Variants in NEB observed in about 807,000 individuals in gnomAD.
NEB encodes the protein nebulin, also known as nemaline myopathy type 2.
In NEB, 512 loss-of-function variants were observed where a neutral mutation model predicts 952.2. That is an observed-to-expected ratio of 0.54 (90% confidence interval 0.50 to 0.58). The LOEUF (loss-of-function observed/expected upper bound fraction) is 0.58. NEB is among the 20% of genes least tolerant of loss of function. The pLI, the probability that NEB is intolerant of heterozygous loss-of-function variation, is 0.00. For synonymous variants in NEB, 2,900 were observed against 3,149.8 expected (o/e 0.92, Z 2.66); for missense variants, 8,428 against 9,231.1 (o/e 0.91, Z 3.56).
At chr2:151,679,681 C>CAAAATTTA in intron 32 of NEB, 40 bp downstream of exon 32, 1 of 957,200 alleles carries the variant, frequency 1.0e-6, no homozygotes, top group Non-Finnish European at 1.7e-6. Context: ...CACCCACCCA[C>CAAAATTTA]ATTTTCTAGT....
intron 107 of NEB, among the ~76,000 whole-genome samples, chr2:151,571,621 T>C (rs1025183627): frequency 2.6e-5 from 4 of 152,316 alleles, no homozygotes; most frequent in Admixed American, 6.5e-5. Context: ...TGAAGCATGA[T>C]TGGATGTCAC....
At chr2:151,684,324 G>T (rs150106932) in intron 28 of NEB, among the ~76,000 whole-genome samples, 11 of 152,182 alleles carry the variant, frequency 7.2e-5, no homozygotes, top group South Asian at 4.2e-4. Flanking sequence ...AGAAAAAACC[G>T]TTATAAATAT....
Position 151,710,427 on chromosome 2 carries a change from A to T in NEB, c.927+7T>A. The T allele has an allele frequency of 6.3e-7, 1 of 1,596,328 alleles. No individual in the cohort carries two copies. Among genetic ancestry groups the T allele is most frequent in the African/African-American group, 1.3e-5 (1 of 74,712 alleles). ...GATGACCAACCAGCCATCCCTTCCC[A>T]CTTAACTGTGCTAATGTTATCAGCA... On this transcript the variant is annotated splice_region_variant and intron_variant, in intron 11 of 181. Coordinates refer to ENST00000397345, the MANE Select transcript of NEB (RefSeq NM_001164508.2).
In NEB at chr2:151,562,747, A is replaced by G. The variant is rs1241076989; in HGVS notation, c.18755T>C (p.Met6252Thr). The G allele has an allele frequency of 6.2e-7, 1 of 1,600,938 alleles. No homozygotes were observed. The highest frequency in any genetic ancestry group is 8.5e-7 in the Non-Finnish European group (1 of 1,173,152). Reference sequence around the variant, plus strand: ...GCACCTTTTAGCCAGCACGTGATTCATCATGTCATTGGGGATATGAACATT... The same window carrying G: ...GCACCTTTTAGCCAGCACGTGATTCGTCATGTCATTGGGGATATGAACATT... ...KANVHIPNDM[M>T]NHVLAKRCQY... is the part of the protein sequence containing the mutation. The change falls in exon 120 of 182, where the codon ATG (methionine) becomes ACG (threonine). Residue 6252 changes from methionine to threonine, a missense_variant. Met to Thr is a moderately conservative substitution (Grantham distance 81, BLOSUM62 -1). Coordinates refer to ENST00000397345, the MANE Select transcript of NEB (RefSeq NM_001164508.2).
intron 20 of NEB, 131 bp from the exon 21 acceptor site, chr2:151,692,493 A>C: frequency 1.4e-6 from 1 of 726,918 alleles, no homozygotes; most frequent in Non-Finnish European, 2.4e-6. Context: ...AATTTTCCAC[A>C]AAGCAGAAAA....
At chr2:151,672,186 T>C (rs781743905) in intron 37 of NEB, among the ~76,000 whole-genome samples, 183 bp downstream of exon 37, 1 of 152,186 alleles carries the variant, frequency 6.6e-6, no homozygotes, top group African/African-American at 2.4e-5. Flanking sequence ...ATAATTATGA[T>C]ATAAGCACAG....
chr2:151,568,733 A>G lies in NEB; in HGVS notation c.17536-17T>C, dbSNP rs775687645. 1.3e-6 allele frequency: 2 copies of G among 1,523,122 alleles called. No homozygotes were observed. The highest frequency in any genetic ancestry group is 2.7e-5 in the African/African-American group (2 of 73,140). 94.4% of individuals were successfully genotyped at this position (1,523,122 alleles called of 1,614,324 possible). A position where few individuals can be genotyped will look rare whatever the true frequency, so the allele number is the denominator to read the frequency against. ...ATATTTTTTCTATGGGAAAGAAAGCATCTTTTAGATAGTTGTAATTCCTAG... is the reference window on the plus strand; with the variant it reads ...ATATTTTTTCTATGGGAAAGAAAGCGTCTTTTAGATAGTTGTAATTCCTAG... On this transcript the variant is annotated splice_polypyrimidine_tract_variant and intron_variant, in intron 110 of 181. Coordinates refer to ENST00000397345, the MANE Select transcript of NEB (RefSeq NM_001164508.2).
chr2:151,702,759 G>C (rs2099680624), intron 13 of NEB, among the ~76,000 whole-genome samples: 1 of 152,116 alleles, frequency 6.6e-6, no homozygotes, highest in Non-Finnish European at 1.5e-5. Flanking sequence ...GCCTATGTGT[G>C]TCTCTGCACG....
Position 151,493,412 on chromosome 2 carries a change from G to T in NEB, c.24706C>A (p.Pro8236Thr). ...TCCATCTCTGGAGTAACAGGTGTCGGAGTTGCTTTTCTCATGTTCTCTTTG... is the reference window on the plus strand; with the variant it reads ...TCCATCTCTGGAGTAACAGGTGTCGTAGTTGCTTTTCTCATGTTCTCTTTG... The part of the protein sequence containing the change: ...LYKENMRKAT[P>T]TPVTPEMERA... The change falls in exon 176 of 182, where the codon CCG becomes ACG. Residue 8236 changes from proline to threonine, a missense_variant. Pro to Thr is a conservative substitution (Grantham distance 38). Around this residue, in one of 11 missense-constraint regions of NEB, gnomAD observed 3,374 missense variants for 3,651.5 expected, o/e 0.92. Coordinates refer to ENST00000397345, the MANE Select transcript of NEB (RefSeq NM_001164508.2). The T allele has an allele frequency of 1.2e-6, 2 of 1,608,088 alleles. No homozygotes were observed. Among genetic ancestry groups the T allele is most frequent in the Non-Finnish European group, 1.7e-6 (2 of 1,178,132 alleles).
At chr2:151,697,750 A>C in intron 13 of NEB, 102 bp from the exon 14 acceptor site, 1 of 788,558 alleles carries the variant, frequency 1.3e-6, no homozygotes, top group Non-Finnish European at 2.0e-6. Context: ...AAGAAAAGAT[A>C]TCGCCTGTCA....
chr2:151,714,066 C>T (rs534976589), intron 10 of NEB, among the ~76,000 whole-genome samples: 1 of 152,180 alleles, frequency 6.6e-6, no homozygotes, highest in Non-Finnish European at 1.5e-5. Flanking sequence ...TACATAAAGA[C>T]CAGACAGACC....
At chr2:151,725,606 T>C (rs778983707) in intron 5 of NEB, 46 bp from the exon 6 acceptor site, 1 of 1,501,018 alleles carries the variant, frequency 6.7e-7, no homozygotes, top group South Asian at 1.1e-5. Flanking sequence ...GCAGTGAAAA[T>C]TTCAGGCAAC....
intron 126 of NEB, 149 bp downstream of exon 126, chr2:151,553,679 G>C: frequency 3.3e-6 from 3 of 910,514 alleles, no homozygotes; most frequent in Non-Finnish European, 3.3e-6. Context: ...TGCTTCCAGA[G>C]ACAGCTCTGA....
rs759250599 is a variant in NEB at position 151,697,298 on chromosome 2, T to C, written c.1366-46A>G. 5 of 1,609,166 alleles carry C rather than the reference T, an allele frequency of 3.1e-6. No homozygotes were observed. In the Admixed American group the frequency reaches 8.3e-5, roughly 27 times the overall value. On this transcript the variant is annotated intron_variant, in intron 15 of 181. Coordinates refer to ENST00000397345, the MANE Select transcript of NEB (RefSeq NM_001164508.2). Reference sequence around the variant, plus strand: ...GCATAAGATGCAGCCATTGTATTCATGCCCTGAGAAAAATGTTATTTGGAA... The same window carrying C: ...GCATAAGATGCAGCCATTGTATTCACGCCCTGAGAAAAATGTTATTTGGAA...
intron 52 of NEB, among the ~76,000 whole-genome samples, chr2:151,651,528 T>A (rs527528603): frequency 6.6e-6 from 1 of 152,310 alleles, no homozygotes; most frequent in South Asian, 2.1e-4. Context: ...CATGTGCAGA[T>A]GGCTAAAAAT....
intron 162 of NEB, 94 bp downstream of exon 162, chr2:151,507,911 A>G: frequency 1.2e-6 from 1 of 842,984 alleles, no homozygotes; most frequent in Non-Finnish European, 2.0e-6. Flanking sequence ...AGGGCTGCAC[A>G]ACAGCCCCAC....
At chr2:151,564,437 G>C (rs532945473) in intron 117 of NEB, among the ~76,000 whole-genome samples, 2 of 152,306 alleles carry the variant, frequency 1.3e-5, no homozygotes, top group East Asian at 3.9e-4. Flanking sequence ...ATAGGCGTGA[G>C]CCACCATGCC....
In NEB at chr2:151,709,699, G is replaced by C. The variant is rs763822076; in HGVS notation, c.992C>G (p.Pro331Arg). ...AGCTTTTTTATTCATTTTATACTCT[G>C]GTGTTTCGGTCTGCATGAAGTAGAT... ...DQIYFMQTET[P>R]EYKMNKKAGV... The change falls in exon 12 of 182, where the codon CCA becomes CGA. Residue 331 changes from proline to arginine, a missense_variant. This residue lies in a region of NEB where 2,851 missense variants were observed against 2,791.5 expected (regional missense o/e 1.02). Transcript: ENST00000397345. The C allele has an allele frequency of 4.5e-5, 73 of 1,605,262 alleles. No homozygotes were observed. Among genetic ancestry groups the C allele is most frequent in the Non-Finnish European group, 3.1e-5 (36 of 1,175,376 alleles).
Position 151,608,595 on chromosome 2 carries a change from C to A in NEB, c.12412G>T (p.Val4138Phe), listed in dbSNP as rs1355870833. Reference sequence around the variant, plus strand: ...CTTTCATTCACGAGGTCTTGAGCAACCTTCACTCTGTTCATTTCCACTGAG... The same window carrying A: ...CTTTCATTCACGAGGTCTTGAGCAAACTTCACTCTGTTCATTTCCACTGAG... ...EGSVEMNRVKVAQDLVNERLY... is the reference protein window; with the variant it reads ...EGSVEMNRVKFAQDLVNERLY... Residue 4138 changes from valine to phenylalanine, a missense_variant, in exon 82 of 182, where the codon GTT becomes TTT. Around this residue, in one of 11 missense-constraint regions of NEB, gnomAD observed 14 missense variants for 46.4 expected, o/e 0.30. Coordinates refer to ENST00000397345, the MANE Select transcript of NEB (RefSeq NM_001164508.2). The A allele has an allele frequency of 2.9e-5, 4 of 140,102 alleles. No homozygotes were observed. The highest frequency in any genetic ancestry group is 3.7e-5 in the Non-Finnish European group (3 of 80,418). The allele number at this position is 140,102 out of a possible 1,614,324, so 8.7% of individuals were successfully genotyped here. A position where few individuals can be genotyped will look rare whatever the true frequency, so the allele number is the denominator to read the frequency against.
Sources: allele counts gnomAD v4.1 joint callset (sites outside exome capture counted in the v4.1 genomes callset), GRCh38; gene constraint gnomAD v4.1.1; regional missense constraint gnomAD v4.1.1; transcripts MANE v1.5; gene names NCBI Gene and HGNC (gene_info 2026-07-23, HGNC 2026-07-21).